SLC11A2: variants seen among roughly 807,000 people sequenced by gnomAD.
SLC11A2 encodes the protein natural resistance-associated macrophage protein 2.
Under a neutral mutation model 68.0 loss-of-function variants are expected in SLC11A2, and 38 were observed. The ratio of observed to expected loss-of-function variants is 0.56; its 90% CI spans 0.43 to 0.73. The LOEUF (loss-of-function observed/expected upper bound fraction) is 0.73, where lower values mean the gene tolerates loss of function less well. Among genes scored for constraint, SLC11A2 ranks in the 30% least tolerant of loss-of-function variants. SLC11A2 has a pLI of 0.00. For missense variants in SLC11A2, 517 were observed against 690.5 expected (o/e 0.75, Z 2.82); for synonymous variants, 242 against 250.6 (o/e 0.97, Z 0.32).
At chr12:50,996,215 T>C (rs1312412917) in intron 9 of SLC11A2, among the ~76,000 whole-genome samples, 1 of 152,202 alleles carries the variant, frequency 6.6e-6, no homozygotes, top group African/African-American at 2.4e-5. Flanking sequence ...CTGACCTCCA[T>C]AAGGCCACTC....
chr12:50,976,729 A>T, downstream of SLC11A2, among the ~76,000 whole-genome samples: 1 of 152,222 alleles, frequency 6.6e-6, no homozygotes, highest in Non-Finnish European at 1.5e-5. Context: ...AGATAACATG[A>T]TTGTATATCT....
intron 5 of SLC11A2, among the ~76,000 whole-genome samples, chr12:51,001,346 G>GAA (rs945300554): frequency 1.3e-5 from 2 of 151,940 alleles, no homozygotes; most frequent in Admixed American, 1.3e-4. Flanking sequence ...AAGAACTTAT[G>GAA]AACACACAGA....
chr12:50,982,354 G>A (rs567069410), downstream of SLC11A2, among the ~76,000 whole-genome samples: 5 of 152,326 alleles, frequency 3.3e-5, no homozygotes, highest in South Asian at 2.1e-4. Flanking sequence ...AGCTGGGTGC[G>A]GTGGCTCACG....
At chr12:51,015,804 A>G (rs1943600937) in intron 1 of SLC11A2, among the ~76,000 whole-genome samples, 1 of 152,150 alleles carries the variant, frequency 6.6e-6, no homozygotes. Context: ...CTTCTCTTAA[A>G]CCCATTAAGT....
At chr12:50,964,876 C>T in the SLC11A2 span, among the ~76,000 whole-genome samples, 37 of 152,324 alleles carry the variant, frequency 2.4e-4, no homozygotes, top group African/African-American at 8.9e-4. Context: ...TTTTAGGAAT[C>T]ACCACTCTGG....
At chr12:50,952,661 G>A in the SLC11A2 span, among the ~76,000 whole-genome samples, 2 of 152,256 alleles carry the variant, frequency 1.3e-5, no homozygotes, top group African/African-American at 2.4e-5. Context: ...TCCCCTGGGC[G>A]CGTGTGCAGC....
chr12:50,979,026 C>T (rs1455039283), downstream of SLC11A2, among the ~76,000 whole-genome samples: 1 of 152,054 alleles, frequency 6.6e-6, no homozygotes, highest in Non-Finnish European at 1.5e-5. Context: ...GTCAGAGCAT[C>T]CTTTTACAGA....
intron 8 of SLC11A2, 116 bp from the exon 9 acceptor site, chr12:50,997,088 T>C: frequency 1.2e-6 from 1 of 847,370 alleles, no homozygotes; most frequent in Non-Finnish European, 2.0e-6. Flanking sequence ...CTTATTTTTA[T>C]ATTTTTTGAG....
At chr12:50,971,862 T>C in the SLC11A2 span, among the ~76,000 whole-genome samples, 1 of 152,264 alleles carries the variant, frequency 6.6e-6, no homozygotes, top group Non-Finnish European at 1.5e-5. Flanking sequence ...TATGAAAATA[T>C]GTCTGCATTC....
At chr12:50,978,206 G>A (rs829024), downstream of SLC11A2, among the ~76,000 whole-genome samples, 107,660 of 149,370 alleles carry the variant, frequency 0.72, 39,428 homozygotes, top group East Asian at 0.88. Context: ...TGTTTATTGC[G>A]GCACTATTCA....
chr12:51,018,404 C>CA (rs1288371700), intron 1 of SLC11A2, among the ~76,000 whole-genome samples: 2 of 145,860 alleles, frequency 1.4e-5, no homozygotes, highest in Non-Finnish European at 3.0e-5. Flanking sequence ...AAAAAAAAAA[C>CA]AAAAAACACA....
intron 1 of SLC11A2, among the ~76,000 whole-genome samples, chr12:51,025,393 G>A (rs1944314164): frequency 6.6e-6 from 1 of 152,172 alleles, no homozygotes; most frequent in Non-Finnish European, 1.5e-5. Flanking sequence ...TGGAACAAAA[G>A]AAGAAAGAGG....
intron 8 of SLC11A2, among the ~76,000 whole-genome samples, chr12:50,998,905 T>A (rs1045113228): frequency 2.6e-5 from 4 of 152,070 alleles, no homozygotes; most frequent in African/African-American, 9.7e-5. Context: ...TGTCAGATGG[T>A]CAACTTGGGA....
chr12:51,011,565 T>TTAG (rs2136328829), intron 1 of SLC11A2, among the ~76,000 whole-genome samples: 1 of 148,140 alleles, frequency 6.8e-6, no homozygotes, highest in East Asian at 2.0e-4. Flanking sequence ...TTTTTTTGTT[T>TTAG]TTTTTTTAGT....
At chr12:50,968,259 C>T in the SLC11A2 span, among the ~76,000 whole-genome samples, 14 of 152,244 alleles carry the variant, frequency 9.2e-5, no homozygotes, top group African/African-American at 3.4e-4. Flanking sequence ...AGTAAGGCAG[C>T]AGTTGGGAAG....
intron 1 of SLC11A2, among the ~76,000 whole-genome samples, chr12:51,012,978 C>A (rs1026820067): frequency 6.6e-6 from 1 of 152,214 alleles, no homozygotes; most frequent in South Asian, 2.1e-4. Flanking sequence ...CCCCGACGTT[C>A]CCGGCAAAGC....
At chr12:50,972,383 G>T in the SLC11A2 span, among the ~76,000 whole-genome samples, 1 of 152,144 alleles carries the variant, frequency 6.6e-6, no homozygotes, top group Non-Finnish European at 1.5e-5. Context: ...CTATGCATGA[G>T]AACCTACAAA....
the SLC11A2 span, among the ~76,000 whole-genome samples, chr12:50,969,078 TG>T: frequency 6.6e-6 from 1 of 151,572 alleles, no homozygotes; most frequent in African/African-American, 2.4e-5. Flanking sequence ...GTGGATCACC[TG>T]AGGTCAGGAG....
rs1940792322 is a variant in SLC11A2 at position 50,988,233 on chromosome 12, C to T, written c.*92G>A. On this transcript the variant is annotated 3_prime_UTR_variant, in exon 16 of 16. Coordinates refer to ENST00000262052, the MANE Select transcript of SLC11A2 (RefSeq NM_000617.3). ...GGTTGAGTCATAAACACAGTCTGTGCAACGGCACATACTTTTGGCTATGTT... is the reference window on the plus strand; with the variant it reads ...GGTTGAGTCATAAACACAGTCTGTGTAACGGCACATACTTTTGGCTATGTT... 6.3e-7 allele frequency: 1 copy of T among 1,598,324 alleles called. No individual in the cohort carries two copies. The highest frequency in any genetic ancestry group is 1.7e-5 in the Admixed American group (1 of 57,164).
Sources: allele counts gnomAD v4.1 joint callset (sites outside exome capture counted in the v4.1 genomes callset), GRCh38; gene constraint gnomAD v4.1.1; transcripts MANE v1.5; gene names NCBI Gene and HGNC (gene_info 2026-07-23, HGNC 2026-07-21).